Variants in KCND2 observed in about 807,000 individuals in gnomAD.
KCND2 encodes the protein A-type voltage-gated potassium channel KCND2.
KCND2 carries 16 observed loss-of-function variants against 54.4 expected under a neutral mutation model. That is an observed-to-expected ratio of 0.29 (90% CI 0.20 to 0.45). The LOEUF is 0.45. KCND2 is among the 20% of genes least tolerant of loss of function. The pLI is 1.00. For synonymous variants in KCND2, 317 were observed against 310.7 expected (o/e 1.02, Z -0.21); for missense variants, 486 against 824.2 (o/e 0.59, Z 5.02).
intron 1 of KCND2, among the ~76,000 whole-genome samples, chr7:120,622,715 T>TCTCTCA (rs1176636263): frequency 7.1e-5 from 9 of 127,170 alleles, no homozygotes; most frequent in Non-Finnish European, 1.3e-4. Context: ...TCTCTCTCTC[T>TCTCTCA]CACACACACA....
chr7:120,704,677 A>G (rs888104329), intron 1 of KCND2, among the ~76,000 whole-genome samples: 1 of 152,214 alleles, frequency 6.6e-6, no homozygotes, highest in Non-Finnish European at 1.5e-5. Flanking sequence ...TGTATCTTAT[A>G]CGTGTTAAGC....
At chr7:120,326,893 A>G (rs1460673358) in intron 1 of KCND2, among the ~76,000 whole-genome samples, 1 of 152,088 alleles carries the variant, frequency 6.6e-6, no homozygotes, top group Non-Finnish European at 1.5e-5. Context: ...CTATCTAATA[A>G]GTGCAGAACA....
intron 1 of KCND2, among the ~76,000 whole-genome samples, chr7:120,637,671 C>A (rs946930570): frequency 1.3e-5 from 2 of 152,080 alleles, no homozygotes; most frequent in Non-Finnish European, 2.9e-5. Flanking sequence ...TTGATTTAAT[C>A]ACTGTTTAGG....
At chr7:120,508,300 T>C (rs575114862) in intron 1 of KCND2, among the ~76,000 whole-genome samples, 399 of 152,088 alleles carry the variant, frequency 2.6e-3, no homozygotes, top group African/African-American at 9.2e-3. Context: ...CTAAAAATCA[T>C]TGTTACATAT....
rs760953737 is a variant in KCND2, at chr7:120,359,368, T to C, written c.1115+83621T>C. Among the ~76,000 whole-genome samples the C allele has an allele frequency of 9.4e-4, 143 of 152,234 alleles. 2 individuals carry two copies. The highest frequency in any genetic ancestry group is 4.3e-4 in the Non-Finnish European group (29 of 67,998). On this transcript the variant is annotated intron_variant, in intron 1 of 5. Transcript: ENST00000331113. ...GCCTCTCTGATGGCCTTTGACCTTTTCATTATAGCATGACTTGGACCACCA... is the reference window on the plus strand; with the variant it reads ...GCCTCTCTGATGGCCTTTGACCTTTCCATTATAGCATGACTTGGACCACCA...
chr7:120,742,387 T>TA, intron 3 of KCND2, 123 bp from the exon 4 acceptor site: 1 of 809,284 alleles, frequency 1.2e-6, no homozygotes, highest in Non-Finnish European at 2.2e-6. Flanking sequence ...TGTTCCTTTC[T>TA]AGTTAGAAAA....
intron 1 of KCND2, among the ~76,000 whole-genome samples, chr7:120,622,689 ACT>A (rs751909741): frequency 0.031 from 3,918 of 125,502 alleles, 57 homozygotes; most frequent in Non-Finnish European, 0.042. Context: ...ACACACACAC[ACT>A]CTCTCTCTCT....
chr7:120,570,265 A>G (rs547989754), intron 1 of KCND2, among the ~76,000 whole-genome samples: 103 of 152,258 alleles, frequency 6.8e-4, no homozygotes, highest in Non-Finnish European at 1.2e-3. Context: ...TGAAAGTGGG[A>G]TGATGGGAGG....
At chr7:120,361,393 C>T (rs565486685) in intron 1 of KCND2, among the ~76,000 whole-genome samples, 1 of 151,642 alleles carries the variant, frequency 6.6e-6, no homozygotes, top group East Asian at 1.9e-4. Flanking sequence ...CTCGCTCTCT[C>T]TCTCTCTTTT....
chr7:120,628,199 C>A (rs182251625), intron 1 of KCND2, among the ~76,000 whole-genome samples: 1 of 152,046 alleles, frequency 6.6e-6, no homozygotes, highest in Non-Finnish European at 1.5e-5. Context: ...AAAAAATAAG[C>A]GAACACTCAA....
chr7:120,364,989 A>G (rs1350132413), intron 1 of KCND2, among the ~76,000 whole-genome samples: 2 of 152,210 alleles, frequency 1.3e-5, no homozygotes, highest in African/African-American at 4.8e-5. Flanking sequence ...TATCCATTGT[A>G]AAAAGAAAAA....
intron 1 of KCND2, among the ~76,000 whole-genome samples, chr7:120,706,875 T>C (rs1792475497): frequency 6.6e-6 from 1 of 152,134 alleles, no homozygotes; most frequent in Admixed American, 6.6e-5. Flanking sequence ...ATGTTTTCTA[T>C]AGAGAGAATA....
At chr7:120,330,250 C>G (rs1043132373) in intron 1 of KCND2, among the ~76,000 whole-genome samples, 1 of 151,936 alleles carries the variant, frequency 6.6e-6, no homozygotes, top group African/African-American at 2.4e-5. Context: ...AAAAAATGAA[C>G]TAATCTATCT....
intron 1 of KCND2, among the ~76,000 whole-genome samples, chr7:120,660,875 G>T (rs1791857472): frequency 6.6e-6 from 1 of 152,186 alleles, no homozygotes; most frequent in Admixed American, 6.5e-5. Context: ...ATGGGTAAGA[G>T]AAAGAGTGTT....
intron 1 of KCND2, among the ~76,000 whole-genome samples, chr7:120,510,259 T>G (rs1315201581): frequency 1.3e-5 from 2 of 152,128 alleles, no homozygotes. Flanking sequence ...AAGTTCATGT[T>G]TAACAAACTT....
chr7:120,494,245 T>C (rs1802821077), intron 1 of KCND2, among the ~76,000 whole-genome samples: 1 of 152,096 alleles, frequency 6.6e-6, no homozygotes, highest in Non-Finnish European at 1.5e-5. Context: ...GTCTAGGTGT[T>C]AAGTTATTTT....
chr7:120,550,241 G>T (rs1010944954), intron 1 of KCND2, among the ~76,000 whole-genome samples: 1 of 151,916 alleles, frequency 6.6e-6, no homozygotes, highest in African/African-American at 2.4e-5. Context: ...ATCCCTAGAA[G>T]GACAGTGTAT....
At chr7:120,415,406 C>A (rs749029625) in intron 1 of KCND2, among the ~76,000 whole-genome samples, 4 of 152,182 alleles carry the variant, frequency 2.6e-5, no homozygotes, top group Non-Finnish European at 5.9e-5. Flanking sequence ...CCGCCTGCAT[C>A]TGCACTATCC....
At chr7:120,341,095 T>G (rs923370663) in intron 1 of KCND2, among the ~76,000 whole-genome samples, 4 of 152,100 alleles carry the variant, frequency 2.6e-5, no homozygotes, top group Non-Finnish European at 5.9e-5. Flanking sequence ...GTATATGAGT[T>G]TGGTTGTGGG....
Sources: gnomAD v4.1 joint callset for allele counts (sites outside exome capture counted in the v4.1 genomes callset) on GRCh38, gnomAD v4.1.1 for gene constraint, MANE v1.5 for transcripts, NCBI Gene and HGNC (gene_info 2026-07-23, HGNC 2026-07-21) for gene names.